The following RBMX variants were observed in gnomAD, a reference collection of about 807,000 sequenced individuals.
RBMX encodes the protein RNA binding motif protein X-linked, also known as RNA-binding motif protein, X chromosome.
Under a neutral mutation model 29.3 loss-of-function variants are expected in RBMX, and 1 was observed. The ratio of observed to expected loss-of-function variants is 0.03; its 90% CI spans 0.01 to 0.16. The LOEUF (loss-of-function observed/expected upper bound fraction) is 0.16, where lower values mean the gene tolerates loss of function less well. RBMX is among the 10% of genes least tolerant of loss of function. RBMX has a pLI of 1.00. For synonymous variants in RBMX, 102 were observed against 102.3 expected (o/e 1.00, Z 0.02); for missense variants, 121 against 333.2 (o/e 0.36, Z 4.96).
chrX:136,876,111 AG>A (rs2077725169), intron 5 of RBMX, among the ~76,000 whole-genome samples: 1 of 100,336 alleles, frequency 1.0e-5, no homozygotes, highest in Admixed American at 1.1e-4. Flanking sequence ...CCATGAATAA[AG>A]TTTTTTTTTT....
chrX:136,879,511 C>T, intron 1 of RBMX, 58 bp from the exon 2 acceptor site: 2 of 938,478 alleles, frequency 2.1e-6, no homozygotes, highest in East Asian at 6.2e-5. Flanking sequence ...TTATTGGACA[C>T]TTTTACTTTC....
chrX:136,877,793 A>G (rs1277264911), intron 4 of RBMX, 122 bp downstream of exon 4: 17 of 631,333 alleles, frequency 2.7e-5, no homozygotes, highest in Non-Finnish European at 4.0e-5. Context: ...TGGTAGATGA[A>G]CAAGTGTTGT....
intron 5 of RBMX, among the ~76,000 whole-genome samples, 172 bp from the exon 6 acceptor site, chrX:136,875,757 G>C (rs937157969): frequency 1.8e-5 from 2 of 110,589 alleles, no homozygotes; most frequent in East Asian, 2.8e-4. Context: ...ATTTTTTTCA[G>C]TGCTAATTCC....
At chrX:136,872,367 A>G, downstream of RBMX, 1 of 1,148,828 alleles carries the variant, frequency 8.7e-7, no homozygotes, top group Non-Finnish European at 1.2e-6. Context: ...AAATAAATGA[A>G]AACTAGTTAT....
downstream of RBMX, among the ~76,000 whole-genome samples, chrX:136,870,798 GAAAAAGAA>G (rs1356238688): frequency 2.7e-4 from 27 of 100,543 alleles, no homozygotes; most frequent in Middle Eastern, 0.011. Flanking sequence ...AAAAAAAAAA[GAAAAAGAA>G]AAAAAGAAAA....
At chrX:136,879,993 G>A (rs2077781558) in intron 1 of RBMX, among the ~76,000 whole-genome samples, 1 of 111,545 alleles carries the variant, frequency 9.0e-6, no homozygotes, top group Non-Finnish European at 1.9e-5. Context: ...CTACTATCCG[G>A]CCAAAAAGAT....
At chrX:136,872,029 C>T (rs1330562092), downstream of RBMX, among the ~76,000 whole-genome samples, 1 of 111,012 alleles carries the variant, frequency 9.0e-6, no homozygotes, top group East Asian at 2.8e-4. Flanking sequence ...TTTATGGGTT[C>T]AAAAATAGCT....
chrX:136,872,613 A>C (rs2077691856), downstream of RBMX: 2 of 328,719 alleles, frequency 6.1e-6, no homozygotes, highest in African/African-American at 5.3e-5. Flanking sequence ...AGTTGAACGA[A>C]CAAAACTTAT....
At position 136,879,129 on chromosome X, in the gene RBMX, A is replaced by G. The variant is rs755562404; in HGVS notation, c.110-6T>C. ...ACGGTCTTTCATCAAGAGTACTAAA[A>G]AGTAGTTTTCAGAAAAATAAAGTGT... On this transcript the variant is annotated splice_polypyrimidine_tract_variant and splice_region_variant and intron_variant, in intron 2 of 8. Coordinates refer to ENST00000320676, the MANE Select transcript of RBMX (RefSeq NM_002139.4). 1.8e-5 allele frequency: 22 copies of G among 1,209,930 alleles called. No individual in the cohort carries two copies. Among genetic ancestry groups the G allele is most frequent in the Non-Finnish European group, 2.2e-5 (20 of 895,003 alleles).
Position 136,877,971 on chromosome X carries a change from C to A in RBMX, c.332G>T (p.Gly111Val). Residue 111 changes from glycine to valine, a missense_variant, in exon 4 of 9, where the codon GGT becomes GTT. Physicochemically the swap from Gly to Val is moderately radical, Grantham distance 109. This residue lies in a region of RBMX where 114 missense variants were observed against 260.0 expected (regional missense o/e 0.44). Transcript: ENST00000320676. ...RSRGPPRGLR[G>V]GRGGSGGTRG... ...GGTTCCTCCACTTCCTCCTCTTCCA[C>A]CTCTAAGACCTCTTGGAGGGCCTCT... The A allele has an allele frequency of 8.3e-7, 1 of 1,210,052 alleles. No homozygotes were observed. The highest frequency in any genetic ancestry group is 1.1e-6 in the Non-Finnish European group (1 of 894,590).
chrX:136,877,205 G>GC (rs1318722806), intron 4 of RBMX, among the ~76,000 whole-genome samples: 1 of 106,948 alleles, frequency 9.4e-6, no homozygotes, highest in East Asian at 3.2e-4. Flanking sequence ...GGTGGTGCAT[G>GC]CCCGTAATCC....
At position 136,876,534 on chromosome X, in the gene RBMX, T is replaced by G; in HGVS notation, c.510A>C (p.Pro170=). ...PPPKRSAPSG[P]VRSSSGMGGR... ...CTCCCATTCCACTGCTACTGCGAAC[T>G]GGTCCTGAAGGTGCAGATCTCTTAG... The change falls in exon 5 of 9, where the codon CCA becomes CCC. Residue 170 remains proline (P), a synonymous_variant. Transcript: ENST00000320676. 1 of 1,196,079 alleles carries G rather than the reference T, an allele frequency of 8.4e-7. No individual in the cohort carries two copies.
intron 4 of RBMX, among the ~76,000 whole-genome samples, chrX:136,876,934 G>T (rs896569048): frequency 9.5e-6 from 1 of 105,053 alleles, no homozygotes; most frequent in Non-Finnish European, 2.0e-5. Flanking sequence ...GGCTGGTCTC[G>T]AACTCCTGAC....
At chrX:136,872,591 G>A, downstream of RBMX, 1 of 366,326 alleles carries the variant, frequency 2.7e-6, no homozygotes, top group South Asian at 5.0e-5. Context: ...GCACTGCCAC[G>A]TTAAATCCAT....
chrX:136,872,179 G>T, downstream of RBMX: 1 of 713,817 alleles, frequency 1.4e-6, no homozygotes, highest in Non-Finnish European at 2.1e-6. Context: ...ATGAAGTGAG[G>T]ACCACAATAA....
chrX:136,880,444 T>C (rs771344059), intron 1 of RBMX, among the ~76,000 whole-genome samples, 153 bp downstream of exon 1: 233 of 111,936 alleles, frequency 2.1e-3, no homozygotes, highest in African/African-American at 7.2e-3. Flanking sequence ...CCTCATTTGT[T>C]TTCCCTCGAC....
rs1292825879 is a variant in RBMX at position 136,876,727 on chromosome X, T to C, written c.389-72A>G. On this transcript the variant is annotated intron_variant, in intron 4 of 8. Coordinates refer to ENST00000320676, the MANE Select transcript of RBMX (RefSeq NM_002139.4). ...AGAAAGATATAAAAGTTTTTTTTTT[T>C]TTTTGAGAGTCTCACTGTCGCCCAG... 6.3e-6 allele frequency: 6 copies of C among 956,753 alleles called. No individual in the cohort carries two copies. The African/African-American group carries it at 1.0e-4, about 16-fold the overall frequency. The allele number at this position is 956,753 out of a possible 1,213,427, so 78.8% of individuals were successfully genotyped here.
chrX:136,874,002 A>C lies in RBMX; in HGVS notation c.*140T>G. 9.1e-7 allele frequency: 1 copy of C among 1,097,441 alleles called. No homozygotes were observed. Among genetic ancestry groups the C allele is most frequent in the Non-Finnish European group, 1.2e-6 (1 of 841,219 alleles). The allele number at this position is 1,097,441 out of a possible 1,213,427, so 90.4% of individuals were successfully genotyped here. A position where few individuals can be genotyped will look rare whatever the true frequency, so the allele number is the denominator to read the frequency against. ...CTTTTTTCCTCACAAGAACATAAAA[A>C]TTATGGAGGGGAACTTAACAGGGAA... is the stretch of plus-strand genomic sequence containing the variant. On this transcript the variant is annotated 3_prime_UTR_variant, in exon 9 of 9. Transcript: ENST00000320676.
chrX:136,869,435 T>A (rs747442397), downstream of RBMX: 1 of 112,059 alleles, frequency 8.9e-6, no homozygotes, highest in Admixed American at 9.5e-5. Context: ...TATATTCCTA[T>A]TTGGTACAAT....
Sources: allele counts gnomAD v4.1 joint callset (sites outside exome capture counted in the v4.1 genomes callset), GRCh38; gene constraint gnomAD v4.1.1; regional missense constraint gnomAD v4.1.1; transcripts MANE v1.5; gene names NCBI Gene and HGNC (gene_info 2026-07-23, HGNC 2026-07-21).